RGS6: variants seen among roughly 807,000 people sequenced by gnomAD.
RGS6 encodes the protein regulator of G protein signaling 6, also known as regulator of G-protein signaling 6.
A neutral mutation model predicts 78.5 loss-of-function variants in RGS6; 30 were observed. The observed-to-expected ratio is 0.38, with a 90% CI of 0.29 to 0.52. The LOEUF (loss-of-function observed/expected upper bound fraction) is 0.52. Among genes scored for constraint, RGS6 ranks in the 20% least tolerant of loss-of-function variants. RGS6 has a pLI of 0.85. For synonymous variants in RGS6, 206 were observed against 206.0 expected (o/e 1.00, Z 0.00); for missense variants, 495 against 609.7 (o/e 0.81, Z 1.98).
At position 72,005,265 on chromosome 14, in the gene RGS6, T is replaced by TC. The variant is rs2084287901; in HGVS notation, c.84+40395dup. The stretch of plus-strand genomic sequence containing the variant: ...AGATGTTAATGGTAAACAGTGTTTT[T>TC]CCCCCTGAGTATAAGAATTATGGGT... On this transcript the variant is annotated intron_variant, in intron 2 of 17. Coordinates refer to ENST00000553525, the MANE Select transcript of RGS6 (RefSeq NM_001204424.2). 2.6e-5 allele frequency among the ~76,000 whole-genome samples: 4 copies of TC among 152,274 alleles called. No homozygotes were observed. The South Asian group carries it at 8.3e-4, about 32-fold the overall frequency.
chr14:72,019,014 T>C (rs1252391839), intron 2 of RGS6, among the ~76,000 whole-genome samples: 2 of 152,138 alleles, frequency 1.3e-5, no homozygotes, highest in Admixed American at 6.5e-5. Flanking sequence ...AATTTCAATA[T>C]TGAAAAGATA....
the RGS6 span, among the ~76,000 whole-genome samples, chr14:71,918,286 C>A: frequency 7.6e-6 from 1 of 132,202 alleles, no homozygotes; most frequent in Admixed American, 8.1e-5. Context: ...AATGGTGGTT[C>A]TTAGATTTTT....
chr14:72,142,353 T>C (rs539016817), intron 2 of RGS6, among the ~76,000 whole-genome samples: 184 of 151,864 alleles, frequency 1.2e-3, no homozygotes, highest in African/African-American at 4.4e-3. Flanking sequence ...TCCTTTTTAA[T>C]AAGGCATCCC....
intron 2 of RGS6, among the ~76,000 whole-genome samples, chr14:72,207,543 T>A (rs1470241747): frequency 1.3e-5 from 2 of 152,200 alleles, no homozygotes; most frequent in African/African-American, 4.8e-5. Flanking sequence ...ATTTCTAGTT[T>A]CCTTAGATAG....
chr14:72,357,852 A>T (rs943215452), intron 3 of RGS6, among the ~76,000 whole-genome samples: 1 of 152,188 alleles, frequency 6.6e-6, no homozygotes, highest in South Asian at 2.1e-4. Context: ...GACAGTGGGG[A>T]AAATGTCTCC....
intron 3 of RGS6, among the ~76,000 whole-genome samples, chr14:72,427,030 G>C (rs1340365622): frequency 6.6e-6 from 1 of 152,204 alleles, no homozygotes; most frequent in East Asian, 1.9e-4. Context: ...GAAAGGAACA[G>C]AAGTGCCCAG....
intron 2 of RGS6, among the ~76,000 whole-genome samples, chr14:72,251,048 G>T (rs556021647): frequency 6.6e-6 from 1 of 152,296 alleles, no homozygotes; most frequent in East Asian, 1.9e-4. Context: ...AGCCAGAGAT[G>T]GTGGATGCAT....
intron 3 of RGS6, among the ~76,000 whole-genome samples, chr14:72,370,712 G>A (rs748590488): frequency 2.0e-5 from 3 of 151,978 alleles, no homozygotes; most frequent in Non-Finnish European, 4.4e-5. Context: ...CTACCAGAGT[G>A]TTGAAAAAAA....
intron 2 of RGS6, among the ~76,000 whole-genome samples, chr14:72,169,622 T>C (rs2096981540): frequency 1.3e-5 from 2 of 152,220 alleles, no homozygotes; most frequent in Admixed American, 6.5e-5. Context: ...TCTTTTCTTA[T>C]CGTGGCAGAG....
intron 2 of RGS6, among the ~76,000 whole-genome samples, chr14:72,152,343 C>T (rs115868296): frequency 0.013 from 1,906 of 151,912 alleles, 35 homozygotes; most frequent in African/African-American, 0.043. Flanking sequence ...AATTTCAACG[C>T]AACAGAAAGT....
At chr14:72,296,484 C>T (rs773584484) in intron 2 of RGS6, among the ~76,000 whole-genome samples, 41 of 152,170 alleles carry the variant, frequency 2.7e-4, no homozygotes, top group Non-Finnish European at 4.4e-4. Flanking sequence ...CACATCCTTG[C>T]CAACACTTAA....
intron 3 of RGS6, among the ~76,000 whole-genome samples, chr14:72,352,970 A>G (rs945958280): frequency 2.6e-4 from 40 of 152,252 alleles, no homozygotes; most frequent in African/African-American, 8.7e-4. Flanking sequence ...ATGCTTTTCA[A>G]AATTCGGGAA....
chr14:72,384,813 C>T (rs2087347038), intron 3 of RGS6, among the ~76,000 whole-genome samples: 1 of 152,084 alleles, frequency 6.6e-6, no homozygotes, highest in Non-Finnish European at 1.5e-5. Context: ...TGCAGTGGTG[C>T]AATCTTGTCT....
rs577683646 is a variant in RGS6 at position 72,354,629 on chromosome 14, C to T, written c.184+2435C>T. Among the ~76,000 whole-genome samples, 13 of 147,316 alleles carry T rather than the reference C, an allele frequency of 8.8e-5. No homozygotes were observed. The South Asian group carries it at 1.9e-3, about 22-fold the overall frequency. ...TGGGCAACAGAGTGAGACTCCATCT[C>T]AAAAAAAAAAGTAAGCTAAATAGCT... On this transcript the variant is annotated intron_variant, in intron 3 of 17. Coordinates refer to ENST00000553525, the MANE Select transcript of RGS6 (RefSeq NM_001204424.2).
intron 1 of RGS6, among the ~76,000 whole-genome samples, chr14:71,944,993 G>A (rs1343789018): frequency 6.6e-6 from 1 of 152,182 alleles, no homozygotes; most frequent in African/African-American, 2.4e-5. Flanking sequence ...AAAAGATACA[G>A]TAACAATATG....
intron 1 of RGS6, among the ~76,000 whole-genome samples, chr14:71,957,747 GA>G (rs1485018886): frequency 1.1e-4 from 17 of 152,048 alleles, no homozygotes; most frequent in Non-Finnish European, 1.2e-4. Context: ...AACTTTAACA[GA>G]TGGAATGCAA....
intron 2 of RGS6, among the ~76,000 whole-genome samples, chr14:72,131,588 A>G (rs1405919960): frequency 6.6e-6 from 1 of 152,184 alleles, no homozygotes; most frequent in Admixed American, 6.5e-5. Context: ...AAACTTTTGT[A>G]TCCTTCCCAC....
chr14:72,619,417 G>T, the RGS6 span: 37 of 1,525,400 alleles, frequency 2.4e-5, no homozygotes, highest in East Asian at 1.7e-4. Flanking sequence ...TAACTCTGGA[G>T]CCCCACCCCA....
At chr14:72,379,979 A>C (rs1315869899) in intron 3 of RGS6, among the ~76,000 whole-genome samples, 1 of 152,160 alleles carries the variant, frequency 6.6e-6, no homozygotes, top group East Asian at 1.9e-4. Context: ...CACAGAGACC[A>C]ATAGAGCAGA....
Sources: gnomAD v4.1 joint callset for allele counts (sites outside exome capture counted in the v4.1 genomes callset) on GRCh38, gnomAD v4.1.1 for gene constraint, MANE v1.5 for transcripts, NCBI Gene and HGNC (gene_info 2026-07-23, HGNC 2026-07-21) for gene names.